The following ALKBH1 variants were observed in gnomAD, a reference collection of about 807,000 sequenced individuals.
ALKBH1 encodes the protein nucleic acid dioxygenase ALKBH1.
A neutral mutation model predicts 36.6 loss-of-function variants in ALKBH1; 31 were observed. That is an observed-to-expected ratio of 0.85 (90% CI 0.64 to 1.14). The LOEUF (loss-of-function observed/expected upper bound fraction) is 1.14, where lower values mean the gene tolerates loss of function less well. ALKBH1 is among the 50% of genes most tolerant of loss of function. The pLI, the probability that ALKBH1 is intolerant of heterozygous loss-of-function variation, is 0.00. For synonymous variants in ALKBH1, 183 were observed against 186.6 expected (o/e 0.98, Z 0.16); for missense variants, 490 against 497.3 (o/e 0.99, Z 0.14).
chr14:77,684,708 T>A (rs1393589281), intron 3 of ALKBH1, among the ~76,000 whole-genome samples: 1 of 152,164 alleles, frequency 6.6e-6, no homozygotes, highest in African/African-American at 2.4e-5. Context: ...CTACCATGCC[T>A]GGCTAATTTT....
chr14:77,680,283 G>A (rs1308981374), intron 3 of ALKBH1, among the ~76,000 whole-genome samples: 3 of 152,154 alleles, frequency 2.0e-5, no homozygotes, highest in Non-Finnish European at 4.4e-5. Flanking sequence ...GTCTTTACCT[G>A]TCCATGGGAA....
At chr14:77,689,279 T>C (rs2080285283) in intron 3 of ALKBH1, among the ~76,000 whole-genome samples, 1 of 152,208 alleles carries the variant, frequency 6.6e-6, no homozygotes, top group African/African-American at 2.4e-5. Context: ...ACCTTGCAAC[T>C]TCTATTCAAG....
intron 5 of ALKBH1, 86 bp from the exon 6 acceptor site, chr14:77,674,327 T>C: frequency 3.0e-6 from 4 of 1,345,140 alleles, no homozygotes; most frequent in Non-Finnish European, 3.9e-6. Flanking sequence ...CTGCCAACTG[T>C]GTTATTTTGT....
chr14:77,699,074 T>C (rs570156775), intron 2 of ALKBH1, among the ~76,000 whole-genome samples: 4 of 152,298 alleles, frequency 2.6e-5, no homozygotes, highest in Admixed American at 2.0e-4. Flanking sequence ...CGCTTGCCCT[T>C]ATTCGGTCTC....
intron 2 of ALKBH1, among the ~76,000 whole-genome samples, chr14:77,703,292 ACTTT>A (rs1309798109): frequency 8.1e-5 from 12 of 147,692 alleles, no homozygotes; most frequent in Admixed American, 3.4e-4. Flanking sequence ...CCCTATTAGG[ACTTT>A]CTTTTTTTTT....
intron 2 of ALKBH1, chr14:77,696,898 A>T (rs979043748): frequency 6.5e-6 from 1 of 153,016 alleles, no homozygotes; most frequent in Non-Finnish European, 1.5e-5. Context: ...GAGGAAGAGG[A>T]TTGGGAAGAC....
intron 3 of ALKBH1, among the ~76,000 whole-genome samples, chr14:77,688,867 T>C (rs1174011959): frequency 6.6e-6 from 1 of 152,160 alleles, no homozygotes; most frequent in Admixed American, 6.6e-5. Flanking sequence ...CCACCGCGCC[T>C]GGCCTGAACT....
At chr14:77,680,037 C>T (rs2080228340) in intron 3 of ALKBH1, 67 bp from the exon 4 acceptor site, 1 of 1,245,320 alleles carries the variant, frequency 8.0e-7, no homozygotes, top group South Asian at 1.2e-5. Context: ...TTTGTATGGA[C>T]TCTGGAGTTA....
At chr14:77,698,325 G>C (rs1051066886) in intron 2 of ALKBH1, among the ~76,000 whole-genome samples, 1 of 152,182 alleles carries the variant, frequency 6.6e-6, no homozygotes, top group Non-Finnish European at 1.5e-5. Context: ...AGAGGGTAGA[G>C]AGACTGGCTT....
chr14:77,674,751 C>T (rs763918425), intron 5 of ALKBH1, among the ~76,000 whole-genome samples: 35 of 152,154 alleles, frequency 2.3e-4, no homozygotes, highest in East Asian at 7.7e-4. Context: ...GGGGTTTTAC[C>T]GTGTTGGCCA....
intron 4 of ALKBH1, among the ~76,000 whole-genome samples, chr14:77,679,371 G>C (rs938565294): frequency 1.4e-4 from 21 of 152,296 alleles, no homozygotes; most frequent in Non-Finnish European, 2.9e-4. Flanking sequence ...CCTACTGTGA[G>C]AAAGCACTGG....
chr14:77,694,651 T>G, intron 3 of ALKBH1, 87 bp downstream of exon 3: 1 of 1,134,626 alleles, frequency 8.8e-7, no homozygotes, highest in African/African-American at 1.6e-5. Context: ...CAGTCACTTT[T>G]ACTGCATTGT....
intron 4 of ALKBH1, among the ~76,000 whole-genome samples, chr14:77,679,116 C>G (rs891817308): frequency 6.6e-6 from 1 of 151,996 alleles, no homozygotes. Context: ...CGCGTGTGAT[C>G]GGTATCCATA....
chr14:77,707,769 C>A (rs183927472), intron 1 of ALKBH1, 53 bp downstream of exon 1: 1 of 1,539,186 alleles, frequency 6.5e-7, no homozygotes, highest in African/African-American at 1.4e-5. Context: ...GTAAGTCCCT[C>A]CAAGACGCGG....
At chr14:77,677,641 C>A (rs2080213065) in intron 4 of ALKBH1, among the ~76,000 whole-genome samples, 1 of 152,280 alleles carries the variant, frequency 6.6e-6, no homozygotes, top group African/African-American at 2.4e-5. Context: ...CCAGAAGCGA[C>A]CTTTAACTTC....
chr14:77,680,677 C>CTCTCTTTTTTTTTTTTTTTTTT (rs774703181), intron 3 of ALKBH1, among the ~76,000 whole-genome samples: 2 of 124,348 alleles, frequency 1.6e-5, no homozygotes, highest in African/African-American at 3.2e-5. Context: ...ATTAACTACT[C>CTCTCTTTTTTTTTTTTTTTTTT]TTTTTTTTTT....
Position 77,673,686 on chromosome 14 carries a change from C to T in ALKBH1, c.*126G>A. ...GTGGGTTCCAAGGCAACAGTGTGAT[C>T]AACAATGAGTTCTTCCCTGTCTCTG... On this transcript the variant is annotated 3_prime_UTR_variant, in exon 6 of 6. Transcript: ENST00000216489. 9.9e-7 allele frequency: 1 copy of T among 1,007,390 alleles called. No individual in the cohort carries two copies. Among genetic ancestry groups the T allele is most frequent in the Non-Finnish European group, 1.5e-6 (1 of 682,278 alleles). 62.4% of individuals were successfully genotyped at this position (1,007,390 alleles called of 1,614,324 possible). A position where few individuals can be genotyped will look rare whatever the true frequency, so the allele number is the denominator to read the frequency against.
chr14:77,684,682 G>A (rs973945932), intron 3 of ALKBH1, among the ~76,000 whole-genome samples: 13 of 152,166 alleles, frequency 8.5e-5, no homozygotes, highest in African/African-American at 2.7e-4. Flanking sequence ...TGAGTAGCTA[G>A]AACTACAGGT....
intron 3 of ALKBH1, chr14:77,684,050 T>A (rs1050988482): frequency 6.4e-4 from 98 of 152,500 alleles, no homozygotes; most frequent in African/African-American, 2.3e-3. Flanking sequence ...AGAGCTCTAC[T>A]GAAAGCCTTT....
Sources: allele counts gnomAD v4.1 joint callset (sites outside exome capture counted in the v4.1 genomes callset), GRCh38; gene constraint gnomAD v4.1.1; transcripts MANE v1.5; gene names NCBI Gene and HGNC (gene_info 2026-07-23, HGNC 2026-07-21).